The following DNAH17 variants were observed in gnomAD, a reference collection of about 807,000 sequenced individuals.
DNAH17 encodes dynein axonemal heavy chain 17.
Under a neutral mutation model 485.6 loss-of-function variants are expected in DNAH17, and 376 were observed. The observed-to-expected ratio is 0.77, with a 90% CI of 0.71 to 0.84. The LOEUF is 0.84. DNAH17 is among the 40% of genes least tolerant of loss of function. The pLI is 0.00. For missense variants in DNAH17, 6,370 were observed against 5,839.3 expected, an observed-to-expected ratio of 1.09 and a Z score of -2.96; for synonymous variants, 3,031 against 2,405.9, an observed-to-expected ratio of 1.26 and a Z score of -7.60.
chr17:78,499,920 G>A (rs945128864), intron 36 of DNAH17: 7 of 176,328 alleles, frequency 4.0e-5, no homozygotes, highest in South Asian at 3.8e-4. Flanking sequence ...TGATGGGACC[G>A]GGCCAATCCC....
intron 19 of DNAH17, chr17:78,532,957 G>A (rs1324025919): frequency 3.9e-6 from 2 of 512,856 alleles, no homozygotes; most frequent in South Asian, 2.2e-5. Context: ...CAAACTTAGT[G>A]GATAGCACAC....
At chr17:78,445,246 G>A (rs1409926503) in intron 70 of DNAH17, among the ~76,000 whole-genome samples, 3 of 151,514 alleles carry the variant, frequency 2.0e-5, no homozygotes, top group Admixed American at 1.3e-4. Flanking sequence ...GGGGGGAGGA[G>A]GAGAGGTTGA....
chr17:78,472,612 T>C (rs1427454442), intron 54 of DNAH17: 3 of 390,220 alleles, frequency 7.7e-6, no homozygotes, highest in South Asian at 5.1e-5. Context: ...CCCCACCGCC[T>C]GGCCCCGGGG....
intron 11 of DNAH17, among the ~76,000 whole-genome samples, chr17:78,566,356 G>C (rs147341570): frequency 1.1e-4 from 16 of 152,316 alleles, no homozygotes; most frequent in African/African-American, 3.6e-4. Context: ...TTCTTAGTGA[G>C]CATAAGAAGT....
At chr17:78,562,010 A>C (rs772192569) in intron 11 of DNAH17, 30 bp from the exon 12 acceptor site, 19 of 1,537,006 alleles carry the variant, frequency 1.2e-5, no homozygotes, top group Non-Finnish European at 1.7e-5. Flanking sequence ...GGGCCTCTTC[A>C]CCACAGTCTC....
intron 25 of DNAH17, among the ~76,000 whole-genome samples, chr17:78,520,887 T>G (rs2090917049): frequency 6.6e-6 from 1 of 152,198 alleles, no homozygotes; most frequent in African/African-American, 2.4e-5. Flanking sequence ...TTCTAAAATT[T>G]ATATGGAAAA....
rs748297957 is a variant in DNAH17 at position 78,510,472 on chromosome 17, G to T, written c.4148C>A (p.Ala1383Glu). ...GTGGAGGTTCAGCTGCAGTAAATCT[G>T]CCAGGGTCGTCTCTTCTGACATTTT... ...KFKMSEETTL[A>E]DLLQLNLHSY... The change falls in exon 27 of 81, where the codon GCA becomes GAA. Residue 1383 changes from alanine (A) to glutamate (E), a missense_variant. Transcript: ENST00000389840. The T allele has an allele frequency of 1.9e-6, 3 of 1,613,854 alleles. No homozygotes were observed. The highest frequency in any genetic ancestry group is 1.7e-5 in the Admixed American group (1 of 60,020).
chr17:78,500,981 G>C (rs1598597129), intron 35 of DNAH17: 1 of 494,226 alleles, frequency 2.0e-6, no homozygotes, highest in Middle Eastern at 5.5e-4. Context: ...GCCCACAGAG[G>C]GGTGCAGGAA....
In DNAH17 at chr17:78,455,797, A is replaced by G; in HGVS notation, c.10017T>C (p.Ala3339=). Residue 3339 remains alanine (A), a synonymous_variant, in exon 63 of 81, where the codon GCT becomes GCC. Coordinates refer to ENST00000389840, the MANE Select transcript of DNAH17 (RefSeq NM_173628.4). ...GGCTCCTGAAGTTCTCCACAGACTC[A>G]GCCCAGCGGATGTTTTCCGATGCTA... ...GGLASENIRW[A]ESVENFRSQG... is the part of the protein sequence containing the mutation. The G allele has an allele frequency of 1.9e-6, 3 of 1,609,940 alleles. No individual in the cohort carries two copies. In the South Asian group the frequency reaches 3.3e-5, roughly 18 times the overall value.
rs373225862 is a variant in DNAH17 at position 78,460,015 on chromosome 17, A to G, written c.9436-14T>C. On this transcript the variant is annotated splice_polypyrimidine_tract_variant and intron_variant, in intron 59 of 80. Transcript: ENST00000389840. The stretch of plus-strand genomic sequence containing the variant: ...TGTCAGGTTGTTCTGCAAATGACAG[A>G]CGGGATGGGTCCGATGGGAGTTTGG... The G allele has an allele frequency of 6.2e-7, 1 of 1,612,050 alleles. No homozygotes were observed. Among genetic ancestry groups the G allele is most frequent in the African/African-American group, 1.3e-5 (1 of 74,862 alleles).
At chr17:78,538,118 C>T (rs2091425955) in intron 18 of DNAH17, among the ~76,000 whole-genome samples, 1 of 126,512 alleles carries the variant, frequency 7.9e-6, no homozygotes, top group Non-Finnish European at 1.6e-5. Context: ...CCAGCCTGGG[C>T]AAGAGCAAAA....
At chr17:78,479,682 C>T (rs1156440729) in intron 49 of DNAH17, 50 bp from the exon 50 acceptor site, 1 of 1,604,510 alleles carries the variant, frequency 6.2e-7, no homozygotes, top group South Asian at 1.1e-5. Flanking sequence ...TGGGGACCTG[C>T]CTGGGGCCAG....
Position 78,450,348 on chromosome 17 carries a change from T to C in DNAH17, c.10946A>G (p.Glu3649Gly), listed in dbSNP as rs1463677166. Residue 3649 changes from glutamate to glycine, a missense_variant, in exon 68 of 81, where the codon GAG becomes GGG. Coordinates refer to ENST00000389840, the MANE Select transcript of DNAH17 (RefSeq NM_173628.4). ...CCTCTCCGCAGCCGGGCGGTAGTTC[T>C]CTCTCGCTTCGTTGATTTTAACTTC... Reference protein sequence around the residue: ...ITEVKINEARENYRPAAERAS... With the variant: ...ITEVKINEARGNYRPAAERAS... 2.5e-6 allele frequency: 4 copies of C among 1,614,000 alleles called. No homozygotes were observed. The highest frequency in any genetic ancestry group is 3.4e-6 in the Non-Finnish European group (4 of 1,179,882).
Position 78,572,826 on chromosome 17 carries a change from G to A in DNAH17, c.414C>T (p.Ile138=), listed in dbSNP as rs189292979. Residue 138 remains isoleucine, a synonymous_variant, in exon 3 of 81, where the codon ATC becomes ATT. Coordinates refer to ENST00000389840, the MANE Select transcript of DNAH17 (RefSeq NM_173628.4). ...AGWPQVVSED[I]VKQVHRLKNE... ...TCTTCAGCCTGTGGACCTGCTTCACGATGTCTTCCGAGACCACCTGGGGCC... is the reference window on the plus strand; with the variant it reads ...TCTTCAGCCTGTGGACCTGCTTCACAATGTCTTCCGAGACCACCTGGGGCC... The A allele has an allele frequency of 2.2e-5, 36 of 1,613,808 alleles. No individual in the cohort carries two copies. Among genetic ancestry groups the A allele is most frequent in the African/African-American group, 6.7e-5 (5 of 74,928 alleles).
At position 78,501,330 on chromosome 17, in the gene DNAH17, C is replaced by G. The variant is rs1354484760; in HGVS notation, c.5337G>C (p.Gln1779His). The G allele has an allele frequency of 1.3e-6, 2 of 1,595,544 alleles. No individual in the cohort carries two copies. The highest frequency in any genetic ancestry group is 1.7e-6 in the Non-Finnish European group (2 of 1,165,256). ...GGAGCTGGGCCTGCCAGGTGAAGGCCTGAGAACTCTCCACCTGCAGGATGA... is the reference window on the plus strand; with the variant it reads ...GGAGCTGGGCCTGCCAGGTGAAGGCGTGAGAACTCTCCACCTGCAGGATGA... Reference protein sequence around the residue: ...KMIVAKVESSQAFTWQAQLRH... With the variant: ...KMIVAKVESSHAFTWQAQLRH... The change falls in exon 35 of 81, where the codon CAG becomes CAC. Residue 1779 changes from glutamine (Q) to histidine (H), a missense_variant. Transcript: ENST00000389840.
chr17:78,505,177 G>A (rs971954472), intron 31 of DNAH17, 116 bp downstream of exon 31: 7 of 1,364,226 alleles, frequency 5.1e-6, no homozygotes, highest in Middle Eastern at 2.5e-4. Flanking sequence ...AGCAGGGGCG[G>A]GCTGGCAGCT....
At chr17:78,440,547 C>T (rs1303809979) in intron 72 of DNAH17, among the ~76,000 whole-genome samples, 1 of 152,126 alleles carries the variant, frequency 6.6e-6, no homozygotes, top group Non-Finnish European at 1.5e-5. Flanking sequence ...GTGTGAGCTA[C>T]CGCCCCCGGC....
chr17:78,498,847 T>C, intron 37 of DNAH17, 161 bp downstream of exon 37: 1 of 507,726 alleles, frequency 2.0e-6, no homozygotes, highest in Non-Finnish European at 3.5e-6. Flanking sequence ...TAACCAGGCT[T>C]TGGGACCCTG....
intron 36 of DNAH17, 26 bp from the exon 37 acceptor site, chr17:78,499,138 A>G: frequency 6.6e-7 from 1 of 1,515,416 alleles, no homozygotes; most frequent in Non-Finnish European, 8.9e-7. Flanking sequence ...TGGAGAAAGG[A>G]AGAGCTGGGA....
Sources: gnomAD v4.1 joint callset for allele counts (sites outside exome capture counted in the v4.1 genomes callset) on GRCh38, gnomAD v4.1.1 for gene constraint, MANE v1.5 for transcripts, NCBI Gene and HGNC (gene_info 2026-07-23, HGNC 2026-07-21) for gene names.